The following ANKS1B variants were observed in gnomAD, a reference collection of about 807,000 sequenced individuals.
ANKS1B encodes ankyrin repeat and sterile alpha motif domain-containing protein 1B.
A neutral mutation model predicts 148.3 loss-of-function variants in ANKS1B; 36 were observed. The observed-to-expected ratio is 0.24, with a 90% CI of 0.19 to 0.32. ANKS1B has a LOEUF of 0.32. Ranked by LOEUF, ANKS1B falls within the 10% of genes least tolerant of loss-of-function variation. The pLI is 1.00. For synonymous variants in ANKS1B, 542 were observed against 560.8 expected (o/e 0.97, Z 0.47); for missense variants, 1,157 against 1,542.6 (o/e 0.75, Z 4.19).
intron 15 of ANKS1B, among the ~76,000 whole-genome samples, chr12:99,086,401 G>A (rs1485632624): frequency 6.6e-6 from 1 of 152,176 alleles, no homozygotes; most frequent in African/African-American, 2.4e-5. Context: ...CGGTAAGGCT[G>A]AATGAGTAAG....
At chr12:98,968,197 A>C (rs550911754) in intron 17 of ANKS1B, among the ~76,000 whole-genome samples, 13 of 152,306 alleles carry the variant, frequency 8.5e-5, no homozygotes, top group Middle Eastern at 3.4e-3. Flanking sequence ...CCCCTAGATA[A>C]TTCTAACATA....
chr12:98,758,375 A>AT (rs1415208873), intron 25 of ANKS1B, among the ~76,000 whole-genome samples: 2 of 150,060 alleles, frequency 1.3e-5, no homozygotes, highest in African/African-American at 4.8e-5. Context: ...ATAAGATAAA[A>AT]TAAAAAAAAT....
intron 25 of ANKS1B, among the ~76,000 whole-genome samples, chr12:98,761,371 A>G (rs946117521): frequency 6.6e-6 from 1 of 152,152 alleles, no homozygotes; most frequent in African/African-American, 2.4e-5. Context: ...TTAAAATACT[A>G]TTTTCGGAAG....
At chr12:99,619,518 C>T (rs1179756583) in intron 9 of ANKS1B, among the ~76,000 whole-genome samples, 3 of 152,000 alleles carry the variant, frequency 2.0e-5, no homozygotes, top group African/African-American at 7.2e-5. Context: ...CCTGAACCTT[C>T]CCACCCTTCC....
intron 11 of ANKS1B, among the ~76,000 whole-genome samples, chr12:99,414,800 C>G (rs975754038): frequency 6.6e-6 from 1 of 152,250 alleles, no homozygotes; most frequent in Non-Finnish European, 1.5e-5. Flanking sequence ...CCTGCGCGTT[C>G]TGCACATGTA....
At chr12:99,536,844 G>C (rs778764917) in intron 9 of ANKS1B, among the ~76,000 whole-genome samples, 2 of 151,962 alleles carry the variant, frequency 1.3e-5, no homozygotes, top group Non-Finnish European at 2.9e-5. Flanking sequence ...TATCAAATAG[G>C]TCTTACTCAT....
At chr12:99,357,471 C>T (rs1408323571) in intron 12 of ANKS1B, among the ~76,000 whole-genome samples, 3 of 152,128 alleles carry the variant, frequency 2.0e-5, no homozygotes, top group East Asian at 3.9e-4. Context: ...ACTTCTCTGA[C>T]TTCAGTAAGA....
At chr12:99,823,020 T>C (rs1289415743) in intron 2 of ANKS1B, among the ~76,000 whole-genome samples, 1 of 152,228 alleles carries the variant, frequency 6.6e-6, no homozygotes, top group Admixed American at 6.5e-5. Flanking sequence ...GTGGTTTTGA[T>C]TTGCATTTCT....
At chr12:99,315,840 GC>G (rs1448432502) in intron 12 of ANKS1B, among the ~76,000 whole-genome samples, 4 of 151,856 alleles carry the variant, frequency 2.6e-5, no homozygotes, top group Non-Finnish European at 5.9e-5. Flanking sequence ...CCCATGACAG[GC>G]CCCGGTGTGT....
chr12:99,909,875 T>G (rs2093936575), intron 1 of ANKS1B, among the ~76,000 whole-genome samples: 1 of 152,164 alleles, frequency 6.6e-6, no homozygotes, highest in Non-Finnish European at 1.5e-5. Context: ...GTTAGGTACA[T>G]GTATATAGTG....
chr12:99,837,416 C>T (rs1000635267), intron 1 of ANKS1B, among the ~76,000 whole-genome samples: 4 of 152,018 alleles, frequency 2.6e-5, no homozygotes, highest in African/African-American at 9.7e-5. Context: ...TTAACACACC[C>T]GAAATATGAG....
intron 1 of ANKS1B, among the ~76,000 whole-genome samples, chr12:99,922,885 G>A (rs1247910281): frequency 1.3e-5 from 2 of 151,764 alleles, no homozygotes; most frequent in East Asian, 3.9e-4. Flanking sequence ...ACAGCATGAA[G>A]GCCCTCACCA....
At position 98,756,394 on chromosome 12, in the gene ANKS1B, G is replaced by A. The variant is rs111296121; in HGVS notation, c.3580-4872C>T. Among the ~76,000 whole-genome samples, 566 of 152,108 alleles carry A rather than the reference G, an allele frequency of 3.7e-3. 2 individuals carry two copies. The highest frequency in any genetic ancestry group is 0.013 in the African/African-American group (547 of 41,528). Reference sequence around the variant, plus strand: ...CCTCCCCAGCCATGTGGAACTGTGAGTCCATTAAACCTCTTTCCTTTATAA... The same window carrying A: ...CCTCCCCAGCCATGTGGAACTGTGAATCCATTAAACCTCTTTCCTTTATAA... On this transcript the variant is annotated intron_variant, in intron 25 of 26. Transcript: ENST00000683438.
intron 12 of ANKS1B, among the ~76,000 whole-genome samples, chr12:99,276,405 G>T (rs1437859118): frequency 6.6e-6 from 1 of 152,150 alleles, no homozygotes; most frequent in African/African-American, 2.4e-5. Context: ...ATGCTGTTAT[G>T]ATGGGCCCCA....
intron 12 of ANKS1B, among the ~76,000 whole-genome samples, chr12:99,275,646 C>T (rs1000737827): frequency 5.3e-5 from 8 of 152,138 alleles, no homozygotes; most frequent in Admixed American, 2.6e-4. Flanking sequence ...AGTGCTGCAA[C>T]GAACATGGGA....
intron 12 of ANKS1B, among the ~76,000 whole-genome samples, chr12:99,332,839 G>A (rs1279297544): frequency 6.6e-6 from 1 of 151,924 alleles, no homozygotes; most frequent in Non-Finnish European, 1.5e-5. Flanking sequence ...CCTATTCAGA[G>A]AACTTTAAGT....
At chr12:99,625,342 T>C (rs1258334098) in intron 9 of ANKS1B, among the ~76,000 whole-genome samples, 1 of 152,020 alleles carries the variant, frequency 6.6e-6, no homozygotes, top group Non-Finnish European at 1.5e-5. Flanking sequence ...TTTCACACAA[T>C]ATATTCTTGT....
At chr12:98,848,736 A>T (rs1258606008) in intron 17 of ANKS1B, among the ~76,000 whole-genome samples, 87 of 21,996 alleles carry the variant, frequency 4.0e-3, no homozygotes, top group East Asian at 0.038. Context: ...ATTTCTGTGT[A>T]TGTGTGGTTT....
At chr12:98,982,265 G>A (rs1238986564) in intron 17 of ANKS1B, among the ~76,000 whole-genome samples, 2 of 151,970 alleles carry the variant, frequency 1.3e-5, no homozygotes, top group Non-Finnish European at 2.9e-5. Context: ...TGCAGATTCT[G>A]ATTCAGGAGT....
Sources: allele counts gnomAD v4.1 joint callset (sites outside exome capture counted in the v4.1 genomes callset), GRCh38; gene constraint gnomAD v4.1.1; transcripts MANE v1.5; gene names NCBI Gene and HGNC (gene_info 2026-07-23, HGNC 2026-07-21).